Variants in BLTP3B observed in about 807,000 individuals in gnomAD.
BLTP3B encodes the protein bridge-like lipid transfer protein family member 3B.
chr12:100,072,355 A>G, the BLTP3B span, among the ~76,000 whole-genome samples: 1 of 152,218 alleles, frequency 6.6e-6, no homozygotes, highest in Non-Finnish European at 1.5e-5. Flanking sequence ...ACATAAACAA[A>G]TAATAACAAC....
At chr12:100,125,717 C>T in the BLTP3B span, among the ~76,000 whole-genome samples, 2 of 152,170 alleles carry the variant, frequency 1.3e-5, no homozygotes, top group Admixed American at 6.5e-5. Context: ...AGACATATAT[C>T]CTTCATAGCA....
the BLTP3B span, chr12:100,070,261 C>T: frequency 5.8e-6 from 8 of 1,388,474 alleles, no homozygotes; most frequent in Middle Eastern, 1.9e-4. Flanking sequence ...GGATTAAATG[C>T]CAGAAGGTTT....
chr12:100,130,655 C>T, the BLTP3B span, among the ~76,000 whole-genome samples: 3 of 152,026 alleles, frequency 2.0e-5, no homozygotes, highest in African/African-American at 7.2e-5. Context: ...GTGGCTCATG[C>T]CTGTAATCCC....
At chr12:100,087,423 A>G in the BLTP3B span, among the ~76,000 whole-genome samples, 6 of 152,210 alleles carry the variant, frequency 3.9e-5, no homozygotes, top group African/African-American at 1.2e-4. Flanking sequence ...ACAGGTCTAC[A>G]ATCCCTTACG....
chr12:100,118,211 G>C, the BLTP3B span, among the ~76,000 whole-genome samples: 1 of 151,978 alleles, frequency 6.6e-6, no homozygotes, highest in Non-Finnish European at 1.5e-5. Flanking sequence ...GGCTGGGCAC[G>C]GTGGCTTATG....
the BLTP3B span, among the ~76,000 whole-genome samples, chr12:100,045,675 C>T: frequency 6.6e-6 from 1 of 152,140 alleles, no homozygotes; most frequent in East Asian, 1.9e-4. Context: ...TGGGCAAAGA[C>T]TTCATGACTA....
At chr12:100,102,618 G>A in the BLTP3B span, 1 of 573,762 alleles carries the variant, frequency 1.7e-6, no homozygotes, top group Non-Finnish European at 3.0e-6. Flanking sequence ...AGTCAAATCT[G>A]CAACTTTGCA....
the BLTP3B span, chr12:100,102,700 CTTT>C: frequency 0.051 from 35,202 of 685,474 alleles, 1 homozygote; most frequent in East Asian, 0.088. Context: ...GAGGTTAAGG[CTTT>C]TTTTTTTTTT....
At chr12:100,085,346 C>CAA in the BLTP3B span, among the ~76,000 whole-genome samples, 3 of 114,814 alleles carry the variant, frequency 2.6e-5, no homozygotes, top group African/African-American at 3.3e-5. Context: ...GGCCTTGGAT[C>CAA]AAAAAAAAAA....
At chr12:100,109,972 A>G in the BLTP3B span, among the ~76,000 whole-genome samples, 1 of 152,172 alleles carries the variant, frequency 6.6e-6, no homozygotes, top group Non-Finnish European at 1.5e-5. Context: ...TAATATCACA[A>G]CTAACAATGA....
chr12:100,070,304 G>C, the BLTP3B span: 1 of 722,320 alleles, frequency 1.4e-6, no homozygotes, highest in Non-Finnish European at 1.8e-6. Flanking sequence ...TTTTTTTTTT[G>C]AGACGGAGTT....
chr12:100,108,274 T>C, the BLTP3B span: 2 of 1,154,634 alleles, frequency 1.7e-6, no homozygotes, highest in African/African-American at 3.2e-5. Flanking sequence ...TTAATAAAAA[T>C]GTTTTTACAC....
At chr12:100,106,103 G>T in the BLTP3B span, among the ~76,000 whole-genome samples, 1 of 152,244 alleles carries the variant, frequency 6.6e-6, no homozygotes, top group East Asian at 1.9e-4. Context: ...ATACACTGCT[G>T]GTAGGAATAT....
the BLTP3B span, among the ~76,000 whole-genome samples, chr12:100,061,422 C>A: frequency 6.6e-6 from 1 of 152,132 alleles, no homozygotes; most frequent in African/African-American, 2.4e-5. Flanking sequence ...CTTTGGGAGG[C>A]CGAGGCGGGT....
chr12:100,080,128 C>T, the BLTP3B span, among the ~76,000 whole-genome samples: 8 of 152,294 alleles, frequency 5.3e-5, no homozygotes, highest in African/African-American at 1.7e-4. Context: ...GGGGTCAAAG[C>T]CCCCACACAA....
chr12:100,043,857 T>C, the BLTP3B span, among the ~76,000 whole-genome samples: 3 of 152,218 alleles, frequency 2.0e-5, no homozygotes, highest in Admixed American at 6.5e-5. Flanking sequence ...GGGCTAATTC[T>C]AACCTCAGTA....
At chr12:100,070,128 C>A in the BLTP3B span, 1 of 1,546,264 alleles carries the variant, frequency 6.5e-7, no homozygotes, top group Non-Finnish European at 8.8e-7. Flanking sequence ...CAGATGTCTT[C>A]CTTCATCTAT....
the BLTP3B span, among the ~76,000 whole-genome samples, chr12:100,099,089 T>C: frequency 6.6e-6 from 1 of 151,586 alleles, no homozygotes; most frequent in Non-Finnish European, 1.5e-5. Context: ...ACCTCCCGGG[T>C]TCCAGCAATT....
the BLTP3B span, among the ~76,000 whole-genome samples, chr12:100,140,925 C>T: frequency 7.3e-3 from 1,110 of 151,246 alleles, 11 homozygotes; most frequent in African/African-American, 0.025. Flanking sequence ...AAGAATTAAA[C>T]TCTAATGCAC....
Sources: allele counts gnomAD v4.1 joint callset (sites outside exome capture counted in the v4.1 genomes callset), GRCh38; gene constraint gnomAD v4.1.1; transcripts MANE v1.5; gene names NCBI Gene and HGNC (gene_info 2026-07-23, HGNC 2026-07-21).